KLF16: variants seen among roughly 807,000 people sequenced by gnomAD.
The protein encoded by KLF16 is Krueppel-like factor 16.
A neutral mutation model predicts 6.1 loss-of-function variants in KLF16; 6 were observed. That is an observed-to-expected ratio of 0.98 (90% CI 0.54 to 1.93). The LOEUF is 1.93. Among genes scored for constraint, KLF16 ranks in the 30% most tolerant of loss-of-function variants. The pLI is 0.01. For missense variants in KLF16, 355 were observed against 363.8 expected (o/e 0.98, Z 0.20); for synonymous variants, 211 against 176.5 (o/e 1.20, Z -1.55).
Position 1,854,429 on chromosome 19 carries a change from C to G in KLF16, c.*30G>C. The G allele has an allele frequency of 1.4e-6, 2 of 1,389,306 alleles. No individual in the cohort carries two copies. Among genetic ancestry groups the G allele is most frequent in the Admixed American group, 3.7e-5 (1 of 27,090 alleles). 86.1% of individuals were successfully genotyped at this position (1,389,306 alleles called of 1,614,324 possible). A position where few individuals can be genotyped will look rare whatever the true frequency, so the allele number is the denominator to read the frequency against. ...TACACCCCTGGATGGCAGAAGCATC[C>G]TGGCGGTCAGGGTGGGCTGCACGAG... On this transcript the variant is annotated 3_prime_UTR_variant, in exon 2 of 2. Transcript: ENST00000250916.
At chr19:1,863,734 C>G (rs2145371227), upstream of KLF16, among the ~76,000 whole-genome samples, 1 of 142,860 alleles carries the variant, frequency 7.0e-6, no homozygotes, top group South Asian at 2.1e-4. Flanking sequence ...CCTCGGGGCG[C>G]CGCAGCCACG....
At chr19:1,865,207 G>A (rs1354192372), upstream of KLF16, among the ~76,000 whole-genome samples, 2 of 152,224 alleles carry the variant, frequency 1.3e-5, no homozygotes, top group Non-Finnish European at 2.9e-5. Flanking sequence ...GGTACAGGGT[G>A]CCCTGCACAC....
the KLF16 span, among the ~76,000 whole-genome samples, chr19:1,869,957 G>A: frequency 7.7e-5 from 9 of 117,276 alleles, no homozygotes; most frequent in East Asian, 1.5e-3. Flanking sequence ...TTTTTGAGAC[G>A]GAGTCTCCCT....
the KLF16 span, among the ~76,000 whole-genome samples, chr19:1,871,095 C>T: frequency 1.1e-4 from 16 of 152,210 alleles, no homozygotes; most frequent in Admixed American, 6.5e-4. Flanking sequence ...CCAGTATCAG[C>T]GGCGGGGTCA....
chr19:1,871,785 C>T, the KLF16 span, among the ~76,000 whole-genome samples: 2 of 152,118 alleles, frequency 1.3e-5, no homozygotes, highest in South Asian at 2.1e-4. Flanking sequence ...CCCTGCTGGC[C>T]GACTGCAAGG....
At position 1,863,292 on chromosome 19, in the gene KLF16, C is replaced by A. The variant is rs534137413; in HGVS notation, c.206G>T (p.Gly69Val). Residue 69 changes from glycine to valine, a missense_variant, in exon 1 of 2, where the codon GGC (glycine) becomes GTC (valine). Coordinates refer to ENST00000250916, the MANE Select transcript of KLF16 (RefSeq NM_031918.4). ...PPPPPAASGP[G>V]PGAAAAPHLL... ...GTGGGGCGCCGCGGCGGCGCCGGGG[C>A]CCGGGCCAGAAGCGGCGGGGGGCGG... 6 of 984,366 alleles carry A rather than the reference C, an allele frequency of 6.1e-6. 1 individual carries two copies. The South Asian group carries it at 2.7e-4, about 45-fold the overall frequency. 61.0% of individuals were successfully genotyped at this position (984,366 alleles called of 1,614,324 possible).
chr19:1,863,341 G>A lies in KLF16; in HGVS notation c.157C>T (p.Pro53Ser), dbSNP rs1286746265. The change falls in exon 1 of 2, where the codon CCC becomes TCC. Residue 53 changes from proline (P) to serine (S), a missense_variant. By Grantham distance (74) the Pro-to-Ser change is moderately conservative. Coordinates refer to ENST00000250916, the MANE Select transcript of KLF16 (RefSeq NM_031918.4). ...VRAARREAAS[P>S]GTPGPPPPPP... ...GGCGGGGGTGGCCCCGGGGTCCCGGGTGAGGCGGCCTCGCGGCGCGCCGCG... is the reference window on the plus strand; with the variant it reads ...GGCGGGGGTGGCCCCGGGGTCCCGGATGAGGCGGCCTCGCGGCGCGCCGCG... 5.1e-6 allele frequency: 5 copies of A among 981,012 alleles called. No individual in the cohort carries two copies. The highest frequency in any genetic ancestry group is 6.0e-6 in the Non-Finnish European group (5 of 828,684). 60.8% of individuals were successfully genotyped at this position (981,012 alleles called of 1,614,324 possible).
chr19:1,866,992 G>A (rs1041664632), upstream of KLF16, among the ~76,000 whole-genome samples: 8 of 152,194 alleles, frequency 5.3e-5, no homozygotes, highest in Non-Finnish European at 5.9e-5. Context: ...AAGAGGATCA[G>A]GGGGACAGCT....
chr19:1,875,286 G>A, the KLF16 span: 5 of 152,240 alleles, frequency 3.3e-5, no homozygotes, highest in Non-Finnish European at 7.3e-5. Flanking sequence ...ACAGGAAAGG[G>A]GATAAAGTCT....
chr19:1,862,852 C>T (rs920847323), intron 1 of KLF16, 189 bp downstream of exon 1: 13 of 272,206 alleles, frequency 4.8e-5, no homozygotes, highest in Non-Finnish European at 8.8e-5. Flanking sequence ...GCTCGCCGCC[C>T]GACCGCGTGG....
rs140769410 is a variant in KLF16, at chr19:1,859,158, C to T, written c.457+3883G>A. ...TGCCAGTTCTCCCAAGCTCTGCCCA[C>T]CAGCACTGCCATCCCAACCCTACAG... On this transcript the variant is annotated intron_variant, in intron 1 of 1. Coordinates refer to ENST00000250916, the MANE Select transcript of KLF16 (RefSeq NM_031918.4). Among the ~76,000 whole-genome samples the T allele has an allele frequency of 7.9e-3, 1,195 of 152,090 alleles. 9 individuals are homozygous for T. Among genetic ancestry groups the T allele is most frequent in the Middle Eastern group, 0.034 (10 of 294 alleles).
the KLF16 span, chr19:1,874,954 G>C: frequency 4.6e-5 from 7 of 152,238 alleles, no homozygotes; most frequent in Admixed American, 4.6e-4. Flanking sequence ...TGGTAACAAT[G>C]ATCAACGTAA....
rs76157530 is a variant in KLF16 at position 1,854,702 on chromosome 19, G to A, written c.516C>T (p.Asp172=). The A allele has an allele frequency of 1.6e-3, 2,605 of 1,599,450 alleles. 35 individuals are homozygous for A. In the African/African-American group the frequency reaches 0.031, roughly 19 times the overall value. Residue 172 remains aspartate (D), a synonymous_variant, in exon 2 of 2, where the codon GAC becomes GAT. Coordinates refer to ENST00000250916, the MANE Select transcript of KLF16 (RefSeq NM_031918.4). ...GCGTCCGGTGGTGGCGGGCCAGCTC[G>A]TCGGAGCGGGCGAACTTCTTGTCGC... The part of the protein sequence containing the change: ...QGCDKKFARS[D]ELARHHRTHT...
rs865842600 is a variant in KLF16, at chr19:1,863,067, A to G, written c.431T>C (p.Leu144Pro). The change falls in exon 1 of 2, where the codon CTA (leucine) becomes CCA (proline). Residue 144 changes from leucine (L) to proline (P), a missense_variant. Transcript: ENST00000250916. ...CAKAYYKSSH[L>P]KSHLRTHTGE... ...TGTGTGCGTCCGCAGGTGCGACTTT[A>G]GGTGCGAGGACTTGTAGTAGGCTTT... 2.1e-6 allele frequency: 3 copies of G among 1,409,264 alleles called. No homozygotes were observed. Among genetic ancestry groups the G allele is most frequent in the Non-Finnish European group, 1.9e-6 (2 of 1,063,016 alleles). The allele number at this position is 1,409,264 out of a possible 1,614,324, so 87.3% of individuals were successfully genotyped here.
At chr19:1,874,746 CAAAAAAAAAAAAAAAAAAA>C in the KLF16 span, 124 of 42,006 alleles carry the variant, frequency 3.0e-3, 2 homozygotes, top group East Asian at 0.083. Flanking sequence ...GTCAGAGTCC[CAAAAAAAAAAAAAAAAAAA>C]AAAAAAAAAA....
chr19:1,871,837 C>T, the KLF16 span, among the ~76,000 whole-genome samples: 2 of 152,130 alleles, frequency 1.3e-5, no homozygotes, highest in East Asian at 3.9e-4. Flanking sequence ...CTCTGGGGTC[C>T]ACGGCATCCA....
intron 1 of KLF16, among the ~76,000 whole-genome samples, chr19:1,856,717 G>C (rs1299786711): frequency 6.6e-6 from 1 of 152,236 alleles, no homozygotes; most frequent in African/African-American, 2.4e-5. Flanking sequence ...ACGGGGTCTG[G>C]CTGTGGGAGC....
At chr19:1,869,116 T>G in the KLF16 span, among the ~76,000 whole-genome samples, 1 of 151,978 alleles carries the variant, frequency 6.6e-6, no homozygotes, top group African/African-American at 2.4e-5. Context: ...GGAAAAGACT[T>G]TGGGGGAAAA....
rs187846251 is a variant in KLF16, at chr19:1,856,384, T to A, written c.458-1624A>T. Among the ~76,000 whole-genome samples the A allele has an allele frequency of 1.6e-4, 24 of 152,242 alleles. No individual in the cohort carries two copies. In the East Asian group the frequency reaches 2.1e-3, roughly 13 times the overall value. On this transcript the variant is annotated intron_variant, in intron 1 of 1. Coordinates refer to ENST00000250916, the MANE Select transcript of KLF16 (RefSeq NM_031918.4). ...CCCTTCTCATCTCATCCTTCCTCCCTGCCACACCCCGACACCCTCAGCAAA... is the reference window on the plus strand; with the variant it reads ...CCCTTCTCATCTCATCCTTCCTCCCAGCCACACCCCGACACCCTCAGCAAA...
Sources: gnomAD v4.1 joint callset for allele counts (sites outside exome capture counted in the v4.1 genomes callset) on GRCh38, gnomAD v4.1.1 for gene constraint, MANE v1.5 for transcripts, NCBI Gene and HGNC (gene_info 2026-07-23, HGNC 2026-07-21) for gene names.